PTPRD: variants seen among roughly 807,000 people sequenced by gnomAD.
The protein encoded by PTPRD is receptor-type tyrosine-protein phosphatase delta.
A neutral mutation model predicts 214.5 loss-of-function variants in PTPRD; 34 were observed. The observed-to-expected ratio is 0.16, with a 90% CI of 0.12 to 0.21. The LOEUF (loss-of-function observed/expected upper bound fraction) is 0.21, where lower values mean the gene tolerates loss of function less well. PTPRD is among the 10% of genes least tolerant of loss of function. The probability of loss-of-function intolerance (pLI) is 1.00; values close to 1 mark genes in which losing one functional copy is unlikely to be tolerated. For synonymous variants in PTPRD, 1,128 were observed against 845.7 expected (o/e 1.33, Z -5.79); for missense variants, 2,545 against 2,398.7 (o/e 1.06, Z -1.27).
At chr9:8,542,739 C>T (rs1460446341) in intron 14 of PTPRD, among the ~76,000 whole-genome samples, 1 of 152,218 alleles carries the variant, frequency 6.6e-6, no homozygotes, top group Non-Finnish European at 1.5e-5. Flanking sequence ...TAGAGCAAGC[C>T]GTTTGCCTCC....
rs181675866 is a variant in PTPRD at position 10,199,252 on chromosome 9, G to A, written c.-545+141711C>T. ...GGTCTAAGGCATTCTATTTCTTACC[G>A]TAATTACTTAGTGTATAGTTAGTTC... On this transcript the variant is annotated intron_variant, in intron 3 of 45. Transcript: ENST00000381196. Among the ~76,000 whole-genome samples, 31 of 152,082 alleles carry A rather than the reference G, an allele frequency of 2.0e-4. 1 individual carries two copies. Among genetic ancestry groups the A allele is most frequent in the African/African-American group, 7.0e-4 (29 of 41,518 alleles).
intron 12 of PTPRD, among the ~76,000 whole-genome samples, chr9:8,657,324 T>TA (rs938148697): frequency 2.0e-4 from 31 of 151,964 alleles, no homozygotes; most frequent in Admixed American, 2.0e-3. Flanking sequence ...CCCACCACCA[T>TA]ACCCACCTAA....
At chr9:9,666,229 T>C (rs1355423692) in intron 7 of PTPRD, among the ~76,000 whole-genome samples, 1 of 151,942 alleles carries the variant, frequency 6.6e-6, no homozygotes, top group Non-Finnish European at 1.5e-5. Flanking sequence ...GATTGGTTAA[T>C]TAAAACATTA....
At chr9:8,673,193 G>C (rs1328312381) in intron 12 of PTPRD, among the ~76,000 whole-genome samples, 1 of 151,802 alleles carries the variant, frequency 6.6e-6, no homozygotes, top group East Asian at 1.9e-4. Context: ...AAACACAGCG[G>C]CTGTCTCCAT....
rs970033081 is a variant in PTPRD, at chr9:10,574,573, G to A, written c.-600+37825C>T. The stretch of plus-strand genomic sequence containing the variant: ...CATTTCTAAGCTCTGGCTAAGATAG[G>A]GAAAGTTTATGATTCAAATACATTT... On this transcript the variant is annotated intron_variant, in intron 2 of 45. Transcript: ENST00000381196. Among the ~76,000 whole-genome samples, 22 of 151,830 alleles carry A rather than the reference G, an allele frequency of 1.4e-4. 1 individual carries two copies. The highest frequency in any genetic ancestry group is 1.5e-5 in the Non-Finnish European group (1 of 67,950).
chr9:8,877,624 G>T (rs1473191877), intron 11 of PTPRD, among the ~76,000 whole-genome samples: 1 of 152,138 alleles, frequency 6.6e-6, no homozygotes, highest in Non-Finnish European at 1.5e-5. Context: ...TTTACAAAAT[G>T]ATAGAAGTTT....
intron 9 of PTPRD, among the ~76,000 whole-genome samples, chr9:9,310,916 C>G (rs1207393533): frequency 7.3e-6 from 1 of 137,594 alleles, no homozygotes; most frequent in Non-Finnish European, 1.6e-5. Context: ...AAAGCTGTGT[C>G]TCAGATAAAT....
chr9:9,313,625 G>A (rs938136852), intron 9 of PTPRD, among the ~76,000 whole-genome samples: 2 of 152,262 alleles, frequency 1.3e-5, no homozygotes, highest in African/African-American at 4.8e-5. Flanking sequence ...GGGAGGAGGG[G>A]TGGATGCCTA....
intron 3 of PTPRD, among the ~76,000 whole-genome samples, chr9:10,187,691 G>A (rs771569693): frequency 3.4e-4 from 52 of 152,318 alleles, no homozygotes; most frequent in Non-Finnish European, 7.1e-4. Flanking sequence ...GGAACCAGGT[G>A]CAACGGAGGT....
chr9:10,049,160 T>G (rs927969155), intron 3 of PTPRD, among the ~76,000 whole-genome samples: 4 of 152,108 alleles, frequency 2.6e-5, no homozygotes, highest in Non-Finnish European at 5.9e-5. Flanking sequence ...CTGATACCAC[T>G]TCAATGTGGC....
At chr9:9,754,043 G>C (rs1340954049) in intron 6 of PTPRD, among the ~76,000 whole-genome samples, 1 of 152,008 alleles carries the variant, frequency 6.6e-6, no homozygotes, top group East Asian at 1.9e-4. Context: ...CACCAGGCTG[G>C]ATGATCTGAG....
intron 7 of PTPRD, among the ~76,000 whole-genome samples, chr9:9,701,889 C>T (rs1436982473): frequency 6.6e-6 from 1 of 152,034 alleles, no homozygotes; most frequent in African/African-American, 2.4e-5. Context: ...GAGGCCGAGG[C>T]GGGTGGACCA....
chr9:10,171,171 G>C (rs2099202222), intron 3 of PTPRD, among the ~76,000 whole-genome samples: 1 of 152,114 alleles, frequency 6.6e-6, no homozygotes, highest in Non-Finnish European at 1.5e-5. Context: ...GAGATCTACT[G>C]TTCAACTTCT....
At chr9:9,192,699 A>C (rs550013631) in intron 9 of PTPRD, among the ~76,000 whole-genome samples, 2 of 152,226 alleles carry the variant, frequency 1.3e-5, no homozygotes, top group East Asian at 3.9e-4. Flanking sequence ...ACCAATAATG[A>C]AATAATCATC....
chr9:10,094,979 T>G (rs1306418398), intron 3 of PTPRD, among the ~76,000 whole-genome samples: 1 of 151,488 alleles, frequency 6.6e-6, no homozygotes, highest in Admixed American at 6.6e-5. Context: ...ATATGCTGTT[T>G]TAGGATTCAT....
rs2099409546 is a variant in PTPRD at position 8,999,496 on chromosome 9, CACTT to C, written c.-104+19197_-104+19200del. 3.3e-5 allele frequency among the ~76,000 whole-genome samples: 5 copies of C among 152,182 alleles called. 1 individual carries two copies. The South Asian group carries it at 1.0e-3, about 32-fold the overall frequency. On this transcript the variant is annotated intron_variant, in intron 11 of 45. Coordinates refer to ENST00000381196, the MANE Select transcript of PTPRD (RefSeq NM_002839.4). ...TGTTTTTTAAGACAATGCTATCAAA[CACTT>C]AATAGACTACAATAGACTGTGAACA...
intron 9 of PTPRD, among the ~76,000 whole-genome samples, chr9:9,202,223 T>G (rs950095814): frequency 6.6e-6 from 1 of 152,118 alleles, no homozygotes; most frequent in Non-Finnish European, 1.5e-5. Flanking sequence ...TCTACTAAAT[T>G]TGCACTCTAT....
intron 2 of PTPRD, among the ~76,000 whole-genome samples, chr9:10,482,324 T>C (rs558960448): frequency 3.9e-4 from 59 of 152,176 alleles, no homozygotes; most frequent in African/African-American, 1.1e-3. Flanking sequence ...TGAGCCGAGA[T>C]GGCGCCACTG....
rs1030767732 is a variant in PTPRD, at chr9:9,501,236, T to C, written c.-237+73496A>G. ...GTCAAATTGGACAAATAAGAGTCAC[T>C]AAAATGAAGTGTGCCTTAACAAGTT... On this transcript the variant is annotated intron_variant, in intron 8 of 45. Transcript: ENST00000381196. 3.3e-5 allele frequency among the ~76,000 whole-genome samples: 5 copies of C among 152,092 alleles called. No homozygotes were observed. The East Asian group carries it at 9.7e-4, about 29-fold the overall frequency.
Sources: allele counts gnomAD v4.1 joint callset (sites outside exome capture counted in the v4.1 genomes callset), GRCh38; gene constraint gnomAD v4.1.1; transcripts MANE v1.5; gene names NCBI Gene and HGNC (gene_info 2026-07-23, HGNC 2026-07-21).